The following EPB41L2 variants were observed in gnomAD, a reference collection of about 807,000 sequenced individuals.
The protein encoded by EPB41L2 is erythrocyte membrane protein band 4.1 like 2.
EPB41L2 carries 43 observed loss-of-function variants against 113.0 expected under a neutral mutation model. The ratio of observed to expected loss-of-function variants is 0.38; its 90% confidence interval spans 0.30 to 0.49. The LOEUF is 0.49. Ranked by LOEUF, EPB41L2 falls within the 20% of genes least tolerant of loss-of-function variation. The pLI is 0.95. For synonymous variants in EPB41L2, 442 were observed against 436.7 expected (o/e 1.01, Z -0.15); for missense variants, 1,147 against 1,223.4 (o/e 0.94, Z 0.93).
At chr6:131,025,923 A>G (rs1790764038) in intron 1 of EPB41L2, among the ~76,000 whole-genome samples, 1 of 152,212 alleles carries the variant, frequency 6.6e-6, no homozygotes, top group African/African-American at 2.4e-5. Flanking sequence ...AGAGTATACA[A>G]AAGTCATCAC....
Position 130,877,845 on chromosome 6 carries a change from A to ATTAC in EPB41L2, c.2043+258_2043+259insGTAA, listed in dbSNP as rs149670043. On this transcript the variant is annotated intron_variant, in intron 14 of 19. Transcript: ENST00000337057. ...TTGTCCTATATAACAATTCATTACT[A>ATTAC]CAATTTACCTGAGTAAAATAGTGAA... Among the ~76,000 whole-genome samples the ATTAC allele has an allele frequency of 8.1e-3, 1,222 of 151,672 alleles. 24 individuals are homozygous for ATTAC. Among genetic ancestry groups the ATTAC allele is most frequent in the African/African-American group, 0.028 (1,170 of 41,326 alleles).
intron 12 of EPB41L2, chr6:130,881,449 C>T (rs1200363177): frequency 6.6e-6 from 1 of 152,120 alleles, no homozygotes; most frequent in Non-Finnish European, 1.5e-5. Context: ...TGATCTTTGA[C>T]ATTCCTCAGG....
chr6:130,976,970 T>C (rs1778328177), intron 1 of EPB41L2, among the ~76,000 whole-genome samples: 1 of 152,152 alleles, frequency 6.6e-6, no homozygotes, highest in Non-Finnish European at 1.5e-5. Context: ...CCATATGTGA[T>C]AAGGGCTGTA....
At chr6:130,911,816 G>A (rs1042458140) in intron 4 of EPB41L2, among the ~76,000 whole-genome samples, 3 of 152,058 alleles carry the variant, frequency 2.0e-5, no homozygotes, top group Admixed American at 1.3e-4. Flanking sequence ...TGCAATTTTT[G>A]AGGTACAATA....
chr6:130,875,746 C>T (rs1390667064), intron 14 of EPB41L2, among the ~76,000 whole-genome samples: 1 of 152,094 alleles, frequency 6.6e-6, no homozygotes, highest in Admixed American at 6.5e-5. Context: ...CGCCTGTAAT[C>T]CTAGCACTTT....
chr6:131,038,742 T>C (rs57184009), intron 1 of EPB41L2, among the ~76,000 whole-genome samples: 1,588 of 152,328 alleles, frequency 0.01, 37 homozygotes, highest in African/African-American at 0.037. Context: ...ATTAATATGG[T>C]ATGCAGCTGT....
intron 3 of EPB41L2, among the ~76,000 whole-genome samples, chr6:130,931,163 A>C (rs532537812): frequency 6.6e-6 from 1 of 152,304 alleles, no homozygotes; most frequent in East Asian, 1.9e-4. Flanking sequence ...CAATATTAAA[A>C]GAAACAACGC....
chr6:131,025,702 T>G (rs1451826629), intron 1 of EPB41L2, among the ~76,000 whole-genome samples: 1 of 152,210 alleles, frequency 6.6e-6, no homozygotes, highest in African/African-American at 2.4e-5. Context: ...GTTGGTAGAT[T>G]GATCCCTGTC....
At chr6:130,993,718 G>A (rs895552301) in intron 1 of EPB41L2, among the ~76,000 whole-genome samples, 4 of 152,190 alleles carry the variant, frequency 2.6e-5, no homozygotes, top group African/African-American at 4.8e-5. Context: ...GGAACTGGGC[G>A]TGAGGAGGGA....
At chr6:131,038,122 C>A (rs184926404) in intron 1 of EPB41L2, among the ~76,000 whole-genome samples, 36 of 151,534 alleles carry the variant, frequency 2.4e-4, no homozygotes, top group African/African-American at 8.0e-4. Flanking sequence ...TTTTGAAGGC[C>A]AGGTACCTTC....
chr6:131,021,590 G>C (rs1025527587), intron 1 of EPB41L2, among the ~76,000 whole-genome samples: 2 of 152,080 alleles, frequency 1.3e-5, no homozygotes, highest in Admixed American at 6.6e-5. Context: ...GAACCCGGGA[G>C]GCAGAGGTTG....
chr6:130,939,923 T>C (rs1406579497), intron 3 of EPB41L2, among the ~76,000 whole-genome samples: 2 of 152,206 alleles, frequency 1.3e-5, no homozygotes, highest in Non-Finnish European at 2.9e-5. Flanking sequence ...AGAATGAACA[T>C]GCACACTTAG....
chr6:130,937,515 A>C (rs1425221318), intron 3 of EPB41L2, among the ~76,000 whole-genome samples: 1 of 151,700 alleles, frequency 6.6e-6, no homozygotes, highest in Non-Finnish European at 1.5e-5. Context: ...TATTCACTTA[A>C]AATGCTTTAA....
chr6:130,982,510 AT>A (rs1311474745), intron 1 of EPB41L2, among the ~76,000 whole-genome samples: 1 of 152,224 alleles, frequency 6.6e-6, no homozygotes, highest in Non-Finnish European at 1.5e-5. Context: ...AAATAAAAAA[AT>A]AGGGGGAAAT....
At chr6:130,887,240 G>A (rs943848396) in intron 11 of EPB41L2, among the ~76,000 whole-genome samples, 1 of 152,122 alleles carries the variant, frequency 6.6e-6, no homozygotes. Context: ...ATTTATTCAG[G>A]TCTTAAACAT....
chr6:130,867,449 G>A lies in EPB41L2; in HGVS notation c.2730+10C>T, dbSNP rs1267100401. 6.2e-7 allele frequency: 1 copy of A among 1,613,784 alleles called. No individual in the cohort carries two copies. Among genetic ancestry groups the A allele is most frequent in the Middle Eastern group, 1.7e-4 (1 of 6,056 alleles). On this transcript the variant is annotated intron_variant, in intron 16 of 19. Transcript: ENST00000337057. Reference sequence around the variant, plus strand: ...AGAGCTCGAACAGTCCAAGTCTAGAGCTTTTGTACCTGTGGAGACTCATAT... The same window carrying A: ...AGAGCTCGAACAGTCCAAGTCTAGAACTTTTGTACCTGTGGAGACTCATAT...
At chr6:130,868,326 T>C (rs553508597) in intron 15 of EPB41L2, 1 of 152,400 alleles carries the variant, frequency 6.6e-6, no homozygotes, top group African/African-American at 2.4e-5. Flanking sequence ...AATTACTCCA[T>C]CAATGTTACA....
chr6:130,905,948 T>C (rs1203297830), intron 5 of EPB41L2, among the ~76,000 whole-genome samples: 1 of 152,192 alleles, frequency 6.6e-6, no homozygotes, highest in Non-Finnish European at 1.5e-5. Flanking sequence ...ATTCAACCAA[T>C]GAAGTCAATC....
At chr6:130,972,694 A>T (rs1744511948) in intron 1 of EPB41L2, among the ~76,000 whole-genome samples, 1 of 152,126 alleles carries the variant, frequency 6.6e-6, no homozygotes, top group Admixed American at 6.5e-5. Context: ...ACATTCACCT[A>T]CAGCAAAGTC....
Sources: allele counts gnomAD v4.1 joint callset (sites outside exome capture counted in the v4.1 genomes callset), GRCh38; gene constraint gnomAD v4.1.1; transcripts MANE v1.5; gene names NCBI Gene and HGNC (gene_info 2026-07-23, HGNC 2026-07-21).